GABRG3: variants seen among roughly 807,000 people sequenced by gnomAD.
GABRG3 encodes the protein gamma-aminobutyric acid type A receptor subunit gamma3, also known as gamma-aminobutyric acid receptor subunit gamma-3.
GABRG3 carries 25 observed loss-of-function variants against 48.8 expected under a neutral mutation model. The ratio of observed to expected loss-of-function variants is 0.51; its 90% confidence interval spans 0.37 to 0.72. The LOEUF (loss-of-function observed/expected upper bound fraction) is 0.72. Ranked by LOEUF, GABRG3 falls within the 30% of genes least tolerant of loss-of-function variation. The probability of loss-of-function intolerance (pLI) is 0.00; values close to 1 mark genes in which losing one functional copy is unlikely to be tolerated. For missense variants in GABRG3, 394 were observed against 577.9 expected (o/e 0.68, Z 3.26); for synonymous variants, 227 against 217.6 (o/e 1.04, Z -0.38).
At chr15:27,529,605 A>C (rs58703258) in intron 9 of GABRG3, among the ~76,000 whole-genome samples, 2,620 of 152,196 alleles carry the variant, frequency 0.017, 79 homozygotes, top group African/African-American at 0.058. Context: ...GCAAGTGTGG[A>C]TCGTGATAGT....
intron 3 of GABRG3, among the ~76,000 whole-genome samples, chr15:27,239,570 A>G (rs1890075610): frequency 6.6e-6 from 1 of 152,184 alleles, no homozygotes; most frequent in South Asian, 2.1e-4. Flanking sequence ...CTAATTTTAA[A>G]TATTTATTTT....
rs190443995 is a variant in GABRG3 at position 27,351,170 on chromosome 15, G to C, written c.574+22282G>C. On this transcript the variant is annotated intron_variant, in intron 5 of 9. Coordinates refer to ENST00000615808, the MANE Select transcript of GABRG3 (RefSeq NM_033223.5). ...TGTGTGTATGGTGCATGTGCGTATG[G>C]TGTATTTGTGTGTATGTATGGTATG... is the stretch of plus-strand genomic sequence containing the variant. Among the ~76,000 whole-genome samples the C allele has an allele frequency of 3.8e-4, 55 of 145,028 alleles. No homozygotes were observed. The East Asian group carries it at 0.012, about 31-fold the overall frequency.
chr15:27,051,813 C>G (rs1314051285), intron 3 of GABRG3, among the ~76,000 whole-genome samples: 2 of 152,162 alleles, frequency 1.3e-5, no homozygotes, highest in Non-Finnish European at 2.9e-5. Flanking sequence ...CATGTAGAAT[C>G]AGTGGAGCCC....
At chr15:27,064,739 C>A (rs1896708981) in intron 3 of GABRG3, among the ~76,000 whole-genome samples, 1 of 152,148 alleles carries the variant, frequency 6.6e-6, no homozygotes, top group Admixed American at 6.5e-5. Flanking sequence ...GCCTTCTCAT[C>A]AGAGCAGGGT....
intron 3 of GABRG3, among the ~76,000 whole-genome samples, chr15:27,192,517 T>C (rs377018376): frequency 1.3e-5 from 2 of 152,344 alleles, no homozygotes; most frequent in African/African-American, 2.4e-5. Flanking sequence ...TTGATCGCAT[T>C]GGCTCCTGAG....
rs1887555024 is a variant in GABRG3, at chr15:27,403,938, A to AAAC, written c.574+75052_574+75053insCAA. ...ACAAAAAAAAAAAAAACAAAAAAAA[A>AAAC]AAACCGGGCTTGGTAGCTCACGCCT... On this transcript the variant is annotated intron_variant, in intron 5 of 9. Transcript: ENST00000615808. Among the ~76,000 whole-genome samples the AAAC allele has an allele frequency of 5.8e-5, 8 of 138,358 alleles. No individual in the cohort carries two copies. The South Asian group carries it at 1.1e-3, about 20-fold the overall frequency. The allele number at this position is 138,358 out of a possible 152,430, so 90.8% of individuals were successfully genotyped here.
chr15:26,980,494 G>A lies in GABRG3; in HGVS notation c.202+3344G>A, dbSNP rs191554704. On this transcript the variant is annotated intron_variant, in intron 2 of 9. Coordinates refer to ENST00000615808, the MANE Select transcript of GABRG3 (RefSeq NM_033223.5). ...AGATCAAGGCCATCCTGGCTAACAC[G>A]GTGAAATCCCGTCTCTACTAAAAAA... Among the ~76,000 whole-genome samples the A allele has an allele frequency of 2.0e-3, 297 of 152,006 alleles. 1 individual carries two copies. The highest frequency in any genetic ancestry group is 6.5e-3 in the African/African-American group (271 of 41,480).
chr15:27,359,911 C>CTTGT (rs573400607), intron 5 of GABRG3, among the ~76,000 whole-genome samples: 24 of 152,242 alleles, frequency 1.6e-4, no homozygotes, highest in Non-Finnish European at 2.4e-4. Flanking sequence ...ATACGTTTTT[C>CTTGT]TTGTTTGTTT....
chr15:27,388,817 G>A (rs1566819083), intron 5 of GABRG3, among the ~76,000 whole-genome samples: 1 of 152,114 alleles, frequency 6.6e-6, no homozygotes, highest in Non-Finnish European at 1.5e-5. Flanking sequence ...CTGCCTGTGA[G>A]TTAAGACCCC....
At chr15:27,280,040 T>C (rs1324453456) in intron 3 of GABRG3, among the ~76,000 whole-genome samples, 1 of 152,138 alleles carries the variant, frequency 6.6e-6, no homozygotes. Flanking sequence ...TTATATTGCA[T>C]TCCTGAAATG....
chr15:27,004,080 A>AC lies in GABRG3; in HGVS notation c.203-22668dup, dbSNP rs1363526352. Among the ~76,000 whole-genome samples, 20 of 121,918 alleles carry AC rather than the reference A, an allele frequency of 1.6e-4. 1 individual carries two copies. Among genetic ancestry groups the AC allele is most frequent in the African/African-American group, 6.0e-4 (18 of 30,242 alleles). 80.0% of individuals were successfully genotyped at this position (121,918 alleles called of 152,430 possible). On this transcript the variant is annotated intron_variant, in intron 2 of 9. Transcript: ENST00000615808. Reference sequence around the variant, plus strand: ...GGGCGGCTGACCCGGCGGGGGGCTGACCCCCCTACCTCCCTCCCGGACGGG... The same window carrying AC: ...GGGCGGCTGACCCGGCGGGGGGCTGACCCCCCCTACCTCCCTCCCGGACGGG...
At chr15:27,351,840 GTGTT>G (rs1248615336) in intron 5 of GABRG3, among the ~76,000 whole-genome samples, 21 of 150,250 alleles carry the variant, frequency 1.4e-4, no homozygotes, top group East Asian at 1.2e-3. Context: ...TATAGTGTGT[GTGTT>G]TGTATGGTGT....
intron 3 of GABRG3, among the ~76,000 whole-genome samples, chr15:27,142,386 T>TA: frequency 6.6e-6 from 1 of 152,262 alleles, no homozygotes; most frequent in East Asian, 1.9e-4. Flanking sequence ...AGTCCCATCT[T>TA]ACATGGATGG....
intron 6 of GABRG3, among the ~76,000 whole-genome samples, chr15:27,501,657 G>A (rs759548249): frequency 3.9e-5 from 6 of 151,994 alleles, no homozygotes; most frequent in East Asian, 1.9e-4. Flanking sequence ...CGATCTGAGC[G>A]GATTTATACA....
intron 3 of GABRG3, among the ~76,000 whole-genome samples, chr15:27,201,417 G>T (rs1472124385): frequency 6.6e-6 from 1 of 151,438 alleles, no homozygotes; most frequent in African/African-American, 2.4e-5. Context: ...AGAAGAGAAA[G>T]AGAAGAAGAC....
intron 6 of GABRG3, 105 bp from the exon 7 acceptor site, chr15:27,519,867 A>G: frequency 1.2e-6 from 1 of 814,360 alleles, no homozygotes; most frequent in Non-Finnish European, 1.9e-6. Context: ...GTAGTTGTGC[A>G]TTTTTATCCA....
intron 3 of GABRG3, among the ~76,000 whole-genome samples, chr15:27,297,675 G>C (rs901876267): frequency 1.3e-5 from 2 of 152,088 alleles, no homozygotes; most frequent in African/African-American, 4.8e-5. Context: ...CAACAGATTT[G>C]AACAATGCAT....
At chr15:27,242,610 A>G (rs1237319210) in intron 3 of GABRG3, among the ~76,000 whole-genome samples, 3 of 152,198 alleles carry the variant, frequency 2.0e-5, no homozygotes, top group Non-Finnish European at 4.4e-5. Flanking sequence ...CTAGAATCCA[A>G]TGTATTTATC....
chr15:27,230,701 G>C (rs1182048937), intron 3 of GABRG3, among the ~76,000 whole-genome samples: 2 of 151,936 alleles, frequency 1.3e-5, no homozygotes, highest in Non-Finnish European at 2.9e-5. Flanking sequence ...ACCCTCTTTG[G>C]AATAGCTGCC....
Sources: allele counts gnomAD v4.1 joint callset (sites outside exome capture counted in the v4.1 genomes callset), GRCh38; gene constraint gnomAD v4.1.1; transcripts MANE v1.5; gene names NCBI Gene and HGNC (gene_info 2026-07-23, HGNC 2026-07-21).